Variants in TOPAZ1 observed in about 807,000 individuals in gnomAD.
TOPAZ1 encodes the protein protein TOPAZ1.
Under a neutral mutation model 172.2 loss-of-function variants are expected in TOPAZ1, and 66 were observed. The ratio of observed to expected loss-of-function variants is 0.38; its 90% CI spans 0.31 to 0.47. The LOEUF is 0.47. TOPAZ1 is among the 20% of genes least tolerant of loss of function. The probability of loss-of-function intolerance (pLI) is 0.99; values close to 1 mark genes in which losing one functional copy is unlikely to be tolerated. For missense variants in TOPAZ1, 1,822 were observed against 1,972.4 expected, an observed-to-expected ratio of 0.92 and a Z score of 1.44; for synonymous variants, 681 against 683.9, an observed-to-expected ratio of 1.00 and a Z score of 0.07.
chr3:44,295,169 T>C (rs75757161), intron 12 of TOPAZ1, among the ~76,000 whole-genome samples: 76 of 152,334 alleles, frequency 5.0e-4, no homozygotes, highest in Non-Finnish European at 7.8e-4. Context: ...GTTGCTCTAA[T>C]GCACTTACCT....
rs886338843 is a variant in TOPAZ1, at chr3:44,300,863, A to C, written c.3798-3152A>C. ...ATAACCAGAAACTGGAAAAAAAAAA[A>C]AAAACTCAGATACCCTTCAATAGGT... On this transcript the variant is annotated intron_variant, in intron 12 of 19. Coordinates refer to ENST00000309765, the MANE Select transcript of TOPAZ1 (RefSeq NM_001145030.2). Among the ~76,000 whole-genome samples the C allele has an allele frequency of 1.1e-3, 167 of 152,278 alleles. 1 individual carries two copies. Among genetic ancestry groups the C allele is most frequent in the African/African-American group, 3.6e-3 (149 of 41,558 alleles).
chr3:44,331,592 G>A (rs752553406), intron 19 of TOPAZ1, among the ~76,000 whole-genome samples, 200 bp from the exon 20 acceptor site: 2 of 152,182 alleles, frequency 1.3e-5, no homozygotes, highest in Non-Finnish European at 2.9e-5. Context: ...CGTCCAAAGC[G>A]CTGGGGTTAT....
chr3:44,316,488 T>A (rs946810412), intron 16 of TOPAZ1, among the ~76,000 whole-genome samples: 2 of 152,152 alleles, frequency 1.3e-5, no homozygotes, highest in South Asian at 4.1e-4. Flanking sequence ...ATTGCAGTAG[T>A]TTTACATATT....
intron 2 of TOPAZ1, among the ~76,000 whole-genome samples, chr3:44,253,353 G>T (rs1231844130): frequency 1.3e-5 from 2 of 152,206 alleles, no homozygotes; most frequent in Admixed American, 1.3e-4. Context: ...GCTCTGGTGT[G>T]GAGGATAAAC....
Position 44,282,005 on chromosome 3 carries a change from A to G in TOPAZ1, c.3410A>G (p.Asn1137Ser), listed in dbSNP as rs773647295. 2 of 1,548,090 alleles carry G rather than the reference A, an allele frequency of 1.3e-6. No individual in the cohort carries two copies. Among genetic ancestry groups the G allele is most frequent in the South Asian group, 1.2e-5 (1 of 83,240 alleles). ...GTGTTTAAGAAATATATAAATATCA[A>G]TGAACTGTGTTTGCTACAGCGTGCA... Reference protein sequence around the residue: ...MDVFKKYININELCLLQRAVN... With the variant: ...MDVFKKYINISELCLLQRAVN... The change falls in exon 9 of 20, where the codon AAT (asparagine) becomes AGT (serine). Residue 1137 changes from asparagine to serine, a missense_variant. Asn to Ser is a conservative substitution (Grantham distance 46). This residue lies in a region of TOPAZ1 where 1,489 missense variants were observed against 1,490.8 expected (regional missense o/e 1.00). Transcript: ENST00000309765.
chr3:44,243,857 A>G lies in TOPAZ1; in HGVS notation c.1351A>G (p.Ser451Gly), dbSNP rs1457753387. 6.4e-7 allele frequency: 1 copy of G among 1,551,858 alleles called. No individual in the cohort carries two copies. The highest frequency in any genetic ancestry group is 2.0e-5 in the Admixed American group (1 of 50,964). ...GAAAGAGGATTTTAAATCGATGAAA[A>G]GCTTCATAGGGAAATCACCTAATGA... Reference protein sequence around the residue: ...ASKEDFKSMKSFIGKSPNEYH... With the variant: ...ASKEDFKSMKGFIGKSPNEYH... The change falls in exon 2 of 20, where the codon AGC becomes GGC. Residue 451 changes from serine (S) to glycine (G), a missense_variant. By Grantham distance (56) the Ser-to-Gly change is moderately conservative (BLOSUM62 0). Coordinates refer to ENST00000309765, the MANE Select transcript of TOPAZ1 (RefSeq NM_001145030.2).
At chr3:44,311,882 G>A (rs1197291570) in intron 16 of TOPAZ1, among the ~76,000 whole-genome samples, 1 of 152,098 alleles carries the variant, frequency 6.6e-6, no homozygotes, top group African/African-American at 2.4e-5. Flanking sequence ...TCAAAGTTTG[G>A]TGATATGCTT....
intron 4 of TOPAZ1, among the ~76,000 whole-genome samples, chr3:44,258,938 T>C (rs190143655): frequency 2.4e-4 from 36 of 152,204 alleles, no homozygotes. Context: ...GAAATGTTTG[T>C]TCAGTTCTTT....
chr3:44,297,156 T>A (rs1465827739), intron 12 of TOPAZ1, among the ~76,000 whole-genome samples: 4 of 119,930 alleles, frequency 3.3e-5, no homozygotes, highest in African/African-American at 1.2e-4. Flanking sequence ...GGACAACGAG[T>A]GAAAGTCTGT....
chr3:44,328,565 T>C (rs1438897193), intron 19 of TOPAZ1, 132 bp downstream of exon 19: 2 of 431,944 alleles, frequency 4.6e-6, no homozygotes, highest in Non-Finnish European at 7.7e-6. Context: ...ATGTACTTTA[T>C]GTGTGTGTAT....
intron 4 of TOPAZ1, among the ~76,000 whole-genome samples, chr3:44,259,376 C>T (rs1324697521): frequency 6.6e-6 from 1 of 152,144 alleles, no homozygotes; most frequent in African/African-American, 2.4e-5. Context: ...TCTCAAAGTA[C>T]ACCCATTGTG....
At chr3:44,325,258 G>T (rs959360067) in intron 18 of TOPAZ1, among the ~76,000 whole-genome samples, 1 of 152,144 alleles carries the variant, frequency 6.6e-6, no homozygotes, top group Non-Finnish European at 1.5e-5. Context: ...ACTTAACGCT[G>T]ACTTTCTTCA....
intron 12 of TOPAZ1, among the ~76,000 whole-genome samples, chr3:44,301,228 T>A (rs4411863): frequency 0.47 from 70,728 of 151,900 alleles, 17,607 homozygotes; most frequent in East Asian, 0.81. Context: ...ATGTAAAAAT[T>A]GATAAAAACT....
At position 44,319,609 on chromosome 3, in the gene TOPAZ1, A is replaced by G. The variant is rs141831931; in HGVS notation, c.4307-1418A>G. ...TGATCATACAGTCTTTGAAGATATTAAATTCATTTACATTTCTCTCTATAT... is the reference window on the plus strand; with the variant it reads ...TGATCATACAGTCTTTGAAGATATTGAATTCATTTACATTTCTCTCTATAT... On this transcript the variant is annotated intron_variant, in intron 16 of 19. Coordinates refer to ENST00000309765, the MANE Select transcript of TOPAZ1 (RefSeq NM_001145030.2). Among the ~76,000 whole-genome samples the G allele has an allele frequency of 1.7e-3, 262 of 152,306 alleles. 4 individuals are homozygous for G. The East Asian group carries it at 0.034, about 20-fold the overall frequency.
At chr3:44,272,013 C>G (rs552660031) in intron 8 of TOPAZ1, among the ~76,000 whole-genome samples, 4 of 152,226 alleles carry the variant, frequency 2.6e-5, no homozygotes, top group African/African-American at 7.2e-5. Flanking sequence ...ATTTGTCTTT[C>G]TGTACTTGGC....
intron 9 of TOPAZ1, among the ~76,000 whole-genome samples, chr3:44,284,964 A>G (rs1413067037): frequency 1.3e-5 from 2 of 152,220 alleles, no homozygotes; most frequent in Non-Finnish European, 2.9e-5. Context: ...AACTATTCCA[A>G]TATATAAGAA....
chr3:44,297,350 T>C (rs924822383), intron 12 of TOPAZ1, among the ~76,000 whole-genome samples: 1 of 151,412 alleles, frequency 6.6e-6, no homozygotes, highest in Non-Finnish European at 1.5e-5. Context: ...TATTTGAAAA[T>C]CAATGTAATT....
chr3:44,293,304 T>G (rs1347925137), intron 12 of TOPAZ1, among the ~76,000 whole-genome samples: 1 of 152,238 alleles, frequency 6.6e-6, no homozygotes, highest in Non-Finnish European at 1.5e-5. Flanking sequence ...ACTTATATTT[T>G]TTTAAAGTTA....
intron 12 of TOPAZ1, among the ~76,000 whole-genome samples, chr3:44,303,711 A>T (rs1051527231): frequency 1.3e-5 from 2 of 151,256 alleles, no homozygotes; most frequent in Admixed American, 6.6e-5. Context: ...AGGATTTGGT[A>T]TTTTTTTTCT....
Sources: gnomAD v4.1 joint callset for allele counts (sites outside exome capture counted in the v4.1 genomes callset) on GRCh38, gnomAD v4.1.1 for gene constraint, gnomAD v4.1.1 regional missense constraint, MANE v1.5 for transcripts, NCBI Gene and HGNC (gene_info 2026-07-23, HGNC 2026-07-21) for gene names.